The following CDH12 variants were observed in gnomAD, a reference collection of about 807,000 sequenced individuals.
CDH12 encodes the protein cadherin-12.
Under a neutral mutation model 74.1 loss-of-function variants are expected in CDH12, and 41 were observed. That is an observed-to-expected ratio of 0.55 (90% CI 0.43 to 0.72). CDH12 has a LOEUF of 0.72. Ranked by LOEUF, CDH12 falls within the 30% of genes least tolerant of loss-of-function variation. CDH12 has a pLI of 0.00. For missense variants in CDH12, 945 were observed against 977.2 expected, an observed-to-expected ratio of 0.97 and a Z score of 0.44; for synonymous variants, 399 against 355.0, an observed-to-expected ratio of 1.12 and a Z score of -1.39.
chr5:22,105,669 G>A (rs1744396417), intron 4 of CDH12, among the ~76,000 whole-genome samples: 1 of 151,430 alleles, frequency 6.6e-6, no homozygotes, highest in Non-Finnish European at 1.5e-5. Flanking sequence ...CTGCACTCCA[G>A]CCTGGGTGAC....
intron 1 of CDH12, among the ~76,000 whole-genome samples, chr5:22,592,437 CCTT>C (rs1736380364): frequency 6.6e-6 from 1 of 152,182 alleles, no homozygotes; most frequent in African/African-American, 2.4e-5. Flanking sequence ...GCCATCTTCT[CCTT>C]CTTCTAGAAT....
At chr5:22,549,613 G>A (rs528100452) in intron 1 of CDH12, among the ~76,000 whole-genome samples, 7 of 152,186 alleles carry the variant, frequency 4.6e-5, no homozygotes, top group African/African-American at 1.7e-4. Flanking sequence ...CAGTACCATA[G>A]TTACAGTTCA....
intron 1 of CDH12, among the ~76,000 whole-genome samples, chr5:22,686,281 T>C (rs1352948068): frequency 1.3e-5 from 2 of 152,168 alleles, no homozygotes; most frequent in Non-Finnish European, 2.9e-5. Context: ...TAGATACATG[T>C]CCTTTATCAT....
chr5:22,300,764 C>G (rs1476452446), intron 3 of CDH12, among the ~76,000 whole-genome samples: 1 of 152,160 alleles, frequency 6.6e-6, no homozygotes, highest in Non-Finnish European at 1.5e-5. Flanking sequence ...CGGTCACATA[C>G]AAAACTCATT....
At chr5:22,228,453 A>C (rs1752270431) in intron 3 of CDH12, among the ~76,000 whole-genome samples, 1 of 152,120 alleles carries the variant, frequency 6.6e-6, no homozygotes, top group South Asian at 2.1e-4. Flanking sequence ...GTAGTGGATA[A>C]AATATGTTTC....
At chr5:22,692,469 A>C (rs1175720850) in intron 1 of CDH12, among the ~76,000 whole-genome samples, 1 of 152,084 alleles carries the variant, frequency 6.6e-6, no homozygotes. Flanking sequence ...TTCAATGATT[A>C]CCACCATGGT....
chr5:22,825,442 G>A (rs1736269940), intron 1 of CDH12, among the ~76,000 whole-genome samples: 1 of 152,124 alleles, frequency 6.6e-6, no homozygotes, highest in Non-Finnish European at 1.5e-5. Flanking sequence ...TCCGAAGAAA[G>A]TTAGAGTAAG....
At chr5:22,360,153 GA>G (rs1329256297) in intron 3 of CDH12, among the ~76,000 whole-genome samples, 12 of 152,076 alleles carry the variant, frequency 7.9e-5, no homozygotes, top group African/African-American at 2.9e-4. Flanking sequence ...CTGGTTTTTT[GA>G]AAGGATCAAC....
chr5:22,452,674 T>C (rs576674844), intron 2 of CDH12, among the ~76,000 whole-genome samples: 9 of 151,850 alleles, frequency 5.9e-5, no homozygotes, highest in Admixed American at 2.6e-4. Flanking sequence ...AGGGTTTTTT[T>C]AGACAGGAAC....
intron 1 of CDH12, among the ~76,000 whole-genome samples, chr5:22,563,202 C>T (rs1005629374): frequency 6.6e-6 from 1 of 151,496 alleles, no homozygotes; most frequent in African/African-American, 2.4e-5. Context: ...TGGGCTACTA[C>T]AAAAGAAAAT....
chr5:22,612,379 C>G (rs1200880203), intron 1 of CDH12, among the ~76,000 whole-genome samples: 1 of 152,016 alleles, frequency 6.6e-6, no homozygotes, highest in Non-Finnish European at 1.5e-5. Context: ...TATCTTTGTG[C>G]AGATATCTTA....
chr5:21,769,105 A>G (rs1337204180), intron 11 of CDH12, among the ~76,000 whole-genome samples: 1 of 152,064 alleles, frequency 6.6e-6, no homozygotes, highest in Non-Finnish European at 1.5e-5. Flanking sequence ...CAATAAATAA[A>G]AGGCAGCTTC....
chr5:22,635,217 C>A (rs1446622916), intron 1 of CDH12, among the ~76,000 whole-genome samples: 1 of 152,098 alleles, frequency 6.6e-6, no homozygotes, highest in East Asian at 1.9e-4. Context: ...CCAATTTTGA[C>A]AAGATTGCCA....
intron 1 of CDH12, among the ~76,000 whole-genome samples, chr5:22,735,049 AC>A (rs1278371747): frequency 2.0e-5 from 3 of 152,082 alleles, no homozygotes; most frequent in Admixed American, 6.6e-5. Context: ...TAGGTCAGTT[AC>A]ATCAGTATCT....
chr5:22,319,203 A>G (rs1387617341), intron 3 of CDH12, among the ~76,000 whole-genome samples: 1 of 152,208 alleles, frequency 6.6e-6, no homozygotes, highest in African/African-American at 2.4e-5. Flanking sequence ...AGTAATATAG[A>G]TGGGTGCTCC....
intron 6 of CDH12, chr5:21,883,546 C>T: frequency 1.2e-6 from 2 of 1,609,768 alleles, no homozygotes; most frequent in Non-Finnish European, 1.7e-6. Flanking sequence ...ATGGCTATTG[C>T]TACTGGTGGT....
At chr5:22,835,891 G>T (rs903820099) in intron 1 of CDH12, among the ~76,000 whole-genome samples, 9 of 152,062 alleles carry the variant, frequency 5.9e-5, no homozygotes, top group African/African-American at 2.2e-4. Context: ...TCTCCTTCAG[G>T]GAAGTGATTG....
At chr5:21,943,045 G>A (rs991333120) in intron 6 of CDH12, among the ~76,000 whole-genome samples, 3 of 152,036 alleles carry the variant, frequency 2.0e-5, no homozygotes, top group Admixed American at 2.0e-4. Flanking sequence ...AGATCTGATG[G>A]TTTTACAAGT....
chr5:21,772,271 GA>G (rs1363936616), intron 11 of CDH12, among the ~76,000 whole-genome samples: 1 of 151,710 alleles, frequency 6.6e-6, no homozygotes, highest in Admixed American at 6.6e-5. Flanking sequence ...AACATGCTGA[GA>G]AAAAAAATCA....
Sources: allele counts gnomAD v4.1 joint callset (sites outside exome capture counted in the v4.1 genomes callset), GRCh38; gene constraint gnomAD v4.1.1; transcripts MANE v1.5; gene names NCBI Gene and HGNC (gene_info 2026-07-23, HGNC 2026-07-21).